The following RNF111 variants were observed in gnomAD, a reference collection of about 807,000 sequenced individuals.
The protein encoded by RNF111 is E3 ubiquitin-protein ligase Arkadia.
A neutral mutation model predicts 95.1 loss-of-function variants in RNF111; 17 were observed. That is an observed-to-expected ratio of 0.18 (90% CI 0.12 to 0.27). The LOEUF (loss-of-function observed/expected upper bound fraction) is 0.27, where lower values mean the gene tolerates loss of function less well. Ranked by LOEUF, RNF111 falls within the 10% of genes least tolerant of loss-of-function variation. The pLI is 1.00. For missense variants in RNF111, 1,189 were observed against 1,210.4 expected (o/e 0.98, Z 0.26); for synonymous variants, 440 against 414.8 (o/e 1.06, Z -0.74).
In RNF111 at chr15:59,095,892, TA is replaced by T. The variant is rs2140273088; in HGVS notation, c.*995del. 2.5e-6 allele frequency: 1 copy of T among 397,114 alleles called. No homozygotes were observed. The highest frequency in any genetic ancestry group is 3.6e-5 in the East Asian group (1 of 27,896). 24.6% of individuals were successfully genotyped at this position (397,114 alleles called of 1,614,324 possible). Reference sequence around the variant, plus strand: ...GGTATCTGTGCATTCATAGAACTTATAAAGGTCCCAGGATCACTTTTAAGGG... The same window carrying T: ...GGTATCTGTGCATTCATAGAACTTATAAGGTCCCAGGATCACTTTTAAGGG... On this transcript the variant is annotated 3_prime_UTR_variant, in exon 14 of 14. Transcript: ENST00000348370.
Position 59,062,338 on chromosome 15 carries a change from C to T in RNF111, c.1366+3788C>T, listed in dbSNP as rs142037653. 3.9e-5 allele frequency among the ~76,000 whole-genome samples: 6 copies of T among 152,262 alleles called. No homozygotes were observed. In the East Asian group the frequency reaches 5.8e-4, roughly 15 times the overall value. On this transcript the variant is annotated intron_variant, in intron 5 of 13. Coordinates refer to ENST00000348370, the MANE Select transcript of RNF111 (RefSeq NM_017610.8). ...GATTACAAGTGTGAGCCACCATGCC[C>T]GGCCATTTTAGACTTTCATATCCAA...
At chr15:59,023,462 T>C (rs368817504) in intron 1 of RNF111, among the ~76,000 whole-genome samples, 1 of 152,344 alleles carries the variant, frequency 6.6e-6, no homozygotes, top group East Asian at 1.9e-4. Context: ...ATTTTTGTTA[T>C]TCTGTAGTAT....
rs2079180991 is a variant in RNF111, at chr15:59,096,679, A to G, written c.*1779A>G. 6.6e-6 allele frequency: 1 copy of G among 152,172 alleles called. No individual in the cohort carries two copies. The highest frequency in any genetic ancestry group is 6.5e-5 in the Admixed American group (1 of 15,268). 9.4% of individuals were successfully genotyped at this position (152,172 alleles called of 1,614,324 possible). ...AAGAGCATACCTTATGATTAAACCG[A>G]GGTTATAGAAGGTCAGGGGAGAGTG... On this transcript the variant is annotated 3_prime_UTR_variant, in exon 14 of 14. Coordinates refer to ENST00000348370, the MANE Select transcript of RNF111 (RefSeq NM_017610.8).
Position 59,096,418 on chromosome 15 carries a change from A to T in RNF111, c.*1518A>T. On this transcript the variant is annotated 3_prime_UTR_variant, in exon 14 of 14. Transcript: ENST00000348370. Reference sequence around the variant, plus strand: ...AAGTGGATTGATTAATAAATAACTTATATTTCTATTGTCTTTGTGTTTCAT... The same window carrying T: ...AAGTGGATTGATTAATAAATAACTTTTATTTCTATTGTCTTTGTGTTTCAT... The T allele has an allele frequency of 4.7e-6, 1 of 214,492 alleles. No individual in the cohort carries two copies. Among genetic ancestry groups the T allele is most frequent in the Non-Finnish European group, 9.1e-6 (1 of 109,806 alleles). 13.3% of individuals were successfully genotyped at this position (214,492 alleles called of 1,614,324 possible).
intron 6 of RNF111, among the ~76,000 whole-genome samples, chr15:59,068,950 T>G (rs2042787603): frequency 6.6e-6 from 1 of 151,790 alleles, no homozygotes; most frequent in Non-Finnish European, 1.5e-5. Context: ...GGCGCGTGCC[T>G]GTAATCCCAG....
chr15:59,015,526 C>T (rs1596083266), intron 1 of RNF111, among the ~76,000 whole-genome samples: 2 of 152,012 alleles, frequency 1.3e-5, no homozygotes, highest in Non-Finnish European at 2.9e-5. Flanking sequence ...CTAGCCTGTT[C>T]CCTTCAGCTC....
In RNF111 at chr15:58,996,993, TTA is replaced by T. The variant is rs2039104259; in HGVS notation, c.-20+8929_-20+8930del. 2.0e-5 allele frequency among the ~76,000 whole-genome samples: 3 copies of T among 152,328 alleles called. No individual in the cohort carries two copies. The Middle Eastern group carries it at 0.01, about 518-fold the overall frequency. Reference sequence around the variant, plus strand: ...ACCTTTATATTTATAAGTAGTATGCTTATATTTGTTTGTATTTACTTGTGTAC... The same window carrying T: ...ACCTTTATATTTATAAGTAGTATGCTTATTTGTTTGTATTTACTTGTGTAC... On this transcript the variant is annotated intron_variant, in intron 1 of 13. Coordinates refer to ENST00000348370, the MANE Select transcript of RNF111 (RefSeq NM_017610.8).
chr15:59,070,029 C>CTTTTT (rs1189748185), intron 6 of RNF111, among the ~76,000 whole-genome samples: 5 of 22,682 alleles, frequency 2.2e-4, no homozygotes, highest in African/African-American at 1.2e-3. Context: ...CCACCTCCTG[C>CTTTTT]TTTTTTTTTT....
intron 6 of RNF111, among the ~76,000 whole-genome samples, chr15:59,072,294 G>C (rs2042963843): frequency 6.6e-6 from 1 of 152,044 alleles, no homozygotes; most frequent in South Asian, 2.1e-4. Flanking sequence ...TTTCTCTGTA[G>C]CACATGATGC....
At chr15:59,026,223 T>C (rs1368427308) in intron 1 of RNF111, among the ~76,000 whole-genome samples, 2 of 152,158 alleles carry the variant, frequency 1.3e-5, no homozygotes, top group Non-Finnish European at 2.9e-5. Context: ...TTTCCTCCTT[T>C]TGCTCACATA....
intron 8 of RNF111, among the ~76,000 whole-genome samples, chr15:59,081,552 T>C (rs1204279267): frequency 6.6e-6 from 1 of 152,064 alleles, no homozygotes; most frequent in East Asian, 1.9e-4. Flanking sequence ...ATGAAGTCTT[T>C]AGAAATAATG....
chr15:59,012,741 TTC>T (rs2141566113), intron 1 of RNF111, among the ~76,000 whole-genome samples: 1 of 134,616 alleles, frequency 7.4e-6, no homozygotes, highest in East Asian at 2.3e-4. Flanking sequence ...AACTCTTTTT[TTC>T]TTTTTTTTTT....
At chr15:58,993,879 C>T (rs1336845802) in intron 1 of RNF111, among the ~76,000 whole-genome samples, 2 of 152,068 alleles carry the variant, frequency 1.3e-5, no homozygotes, top group Non-Finnish European at 1.5e-5. Flanking sequence ...TTTTCCTTTT[C>T]TACCAAATAG....
At chr15:59,057,228 G>A (rs757254181) in intron 4 of RNF111, among the ~76,000 whole-genome samples, 2 of 152,046 alleles carry the variant, frequency 1.3e-5, no homozygotes, top group African/African-American at 4.8e-5. Flanking sequence ...CCTCCCCAGC[G>A]AACAAAAAAT....
At chr15:59,004,043 T>G in intron 1 of RNF111, 1 of 437,918 alleles carries the variant, frequency 2.3e-6, no homozygotes, top group South Asian at 4.2e-5. Context: ...ATCCTGTGTT[T>G]ATCCTCCTTG....
intron 5 of RNF111, among the ~76,000 whole-genome samples, chr15:59,062,994 C>G (rs76749659): frequency 0.02 from 3,022 of 152,290 alleles, 101 homozygotes; most frequent in African/African-American, 0.067. Flanking sequence ...TTGCCAGATA[C>G]TGGGGACAGC....
intron 1 of RNF111, among the ~76,000 whole-genome samples, chr15:59,006,856 G>T (rs2039563184): frequency 1.3e-5 from 2 of 151,998 alleles, no homozygotes; most frequent in South Asian, 4.2e-4. Flanking sequence ...GCATGATCTT[G>T]GCTCACTGCA....
intron 6 of RNF111, among the ~76,000 whole-genome samples, chr15:59,073,121 C>G (rs1185594785): frequency 1.3e-5 from 2 of 151,988 alleles, no homozygotes; most frequent in African/African-American, 4.8e-5. Context: ...TGCAGTGAGC[C>G]ACGTTTGTAT....
At chr15:59,053,417 G>A (rs1302735231) in intron 3 of RNF111, among the ~76,000 whole-genome samples, 8 of 152,098 alleles carry the variant, frequency 5.3e-5, no homozygotes, top group South Asian at 2.1e-4. Flanking sequence ...GTGTTGGAAC[G>A]AATTTAGAAG....
Sources: gnomAD v4.1 joint callset for allele counts (sites outside exome capture counted in the v4.1 genomes callset) on GRCh38, gnomAD v4.1.1 for gene constraint, MANE v1.5 for transcripts, NCBI Gene and HGNC (gene_info 2026-07-23, HGNC 2026-07-21) for gene names.